SMYD3: variants seen among roughly 807,000 people sequenced by gnomAD.
SMYD3 encodes the protein SET and MYND domain containing 3.
A neutral mutation model predicts 57.7 loss-of-function variants in SMYD3; 36 were observed. That is an observed-to-expected ratio of 0.62 (90% CI 0.48 to 0.82). SMYD3 has a LOEUF of 0.82. SMYD3 is among the 40% of genes least tolerant of loss of function. The pLI is 0.00. For synonymous variants in SMYD3, 211 were observed against 195.0 expected (o/e 1.08, Z -0.68); for missense variants, 515 against 538.8 (o/e 0.96, Z 0.44).
intron 5 of SMYD3, among the ~76,000 whole-genome samples, chr1:246,173,186 C>CA: frequency 6.6e-6 from 1 of 150,820 alleles, no homozygotes; most frequent in African/African-American, 2.4e-5. Flanking sequence ...GCTTAGGCTA[C>CA]ACAGGCCTAG....
intron 5 of SMYD3, among the ~76,000 whole-genome samples, chr1:246,270,331 T>A (rs4654232): frequency 0.33 from 50,766 of 152,028 alleles, 9,351 homozygotes; most frequent in East Asian, 0.72. Flanking sequence ...CATAAAAAAT[T>A]TACTATCTTA....
intron 5 of SMYD3, among the ~76,000 whole-genome samples, chr1:245,996,966 A>G (rs1478441329): frequency 3.9e-5 from 6 of 152,194 alleles, no homozygotes; most frequent in Non-Finnish European, 5.9e-5. Context: ...GTTCTGATTT[A>G]TGAATTGGCA....
chr1:246,436,167 C>A (rs2067369871), intron 1 of SMYD3, among the ~76,000 whole-genome samples: 1 of 146,368 alleles, frequency 6.8e-6, no homozygotes, highest in Admixed American at 7.0e-5. Context: ...GGGAGAAAAA[C>A]TATGAACCAT....
At chr1:246,443,107 T>C (rs1056347783) in intron 1 of SMYD3, among the ~76,000 whole-genome samples, 2 of 152,270 alleles carry the variant, frequency 1.3e-5, no homozygotes, top group African/African-American at 4.8e-5. Flanking sequence ...TACTCTCTTA[T>C]GTATTTGCAT....
intron 5 of SMYD3, chr1:246,321,816 A>C (rs2065254020): frequency 6.6e-6 from 1 of 152,494 alleles, no homozygotes; most frequent in South Asian, 2.1e-4. Context: ...TGGTGAGATC[A>C]CAGCTCACTG....
intron 5 of SMYD3, among the ~76,000 whole-genome samples, chr1:246,222,598 T>C (rs919251780): frequency 1.3e-5 from 2 of 152,180 alleles, no homozygotes; most frequent in African/African-American, 4.8e-5. Context: ...CATGAATATA[T>C]CCTTCCTTAA....
chr1:246,002,931 G>A (rs1023804985), intron 5 of SMYD3, among the ~76,000 whole-genome samples: 1 of 152,154 alleles, frequency 6.6e-6, no homozygotes, highest in Non-Finnish European at 1.5e-5. Flanking sequence ...TCTTACAGTA[G>A]TTCCCAACCC....
chr1:245,817,532 A>G (rs2048922129), intron 10 of SMYD3, among the ~76,000 whole-genome samples: 3 of 152,150 alleles, frequency 2.0e-5, no homozygotes, highest in African/African-American at 7.2e-5. Flanking sequence ...CAGCAACGGA[A>G]CAAAGCTGGA....
chr1:246,114,750 T>G (rs1430910830), intron 5 of SMYD3, among the ~76,000 whole-genome samples: 1 of 152,172 alleles, frequency 6.6e-6, no homozygotes, highest in Non-Finnish European at 1.5e-5. Context: ...TGTGCCTCCG[T>G]TTCCCGAGGA....
chr1:246,036,807 G>A (rs891225604), intron 5 of SMYD3, among the ~76,000 whole-genome samples: 13 of 149,384 alleles, frequency 8.7e-5, no homozygotes, highest in South Asian at 2.1e-4. Context: ...CTCGTGATCC[G>A]CCCGCCTCGG....
intron 5 of SMYD3, among the ~76,000 whole-genome samples, chr1:245,965,966 TA>T (rs1303419936): frequency 6.6e-6 from 1 of 152,018 alleles, no homozygotes; most frequent in African/African-American, 2.4e-5. Flanking sequence ...TGATGGGAGA[TA>T]GGGGTGGGGC....
intron 10 of SMYD3, among the ~76,000 whole-genome samples, chr1:245,782,032 A>AT (rs2148141981): frequency 6.6e-6 from 1 of 152,292 alleles, no homozygotes; most frequent in South Asian, 2.1e-4. Context: ...ATACCTACGC[A>AT]TTCAGAGCTT....
intron 5 of SMYD3, among the ~76,000 whole-genome samples, chr1:246,172,487 G>C (rs1408513310): frequency 1.8e-5 from 2 of 113,146 alleles, no homozygotes; most frequent in Non-Finnish European, 3.6e-5. Flanking sequence ...CACACTGTAT[G>C]CTTAGGCTAC....
Position 245,749,651 on chromosome 1 carries a change from A to G in SMYD3, c.1199T>C (p.Met400Thr). 2 of 1,613,962 alleles carry G rather than the reference A, an allele frequency of 1.2e-6. No individual in the cohort carries two copies. The highest frequency in any genetic ancestry group is 1.1e-5 in the South Asian group (1 of 91,080). The change falls in exon 12 of 12, where the codon ATG becomes ACG. Residue 400 changes from methionine to threonine, a missense_variant. Coordinates refer to ENST00000490107, the MANE Select transcript of SMYD3 (RefSeq NM_001167740.2). Reference sequence around the variant, plus strand: ...GTGTTCTCTGCCATGTGTCACTCTCATAATATCAAAAGCCTAAAGAGAAAG... The same window carrying G: ...GTGTTCTCTGCCATGTGTCACTCTCGTAATATCAAAAGCCTAAAGAGAAAG... ...MKNLRLAFDIMRVTHGREHSL... is the reference protein window; with the variant it reads ...MKNLRLAFDITRVTHGREHSL...
intron 1 of SMYD3, among the ~76,000 whole-genome samples, chr1:246,382,660 T>A (rs551864899): frequency 6.6e-6 from 1 of 151,644 alleles, no homozygotes; most frequent in Non-Finnish European, 1.5e-5. Context: ...TAGTGCCAGG[T>A]TGCCCCACAG....
intron 8 of SMYD3, among the ~76,000 whole-genome samples, chr1:245,894,497 G>C (rs896579442): frequency 6.6e-6 from 1 of 151,988 alleles, no homozygotes; most frequent in African/African-American, 2.4e-5. Context: ...CTTTGGGTCC[G>C]TGCCATCTTT....
rs1375596344 is a variant in SMYD3, at chr1:246,395,703, T to C, written c.165-40609A>G. On this transcript the variant is annotated intron_variant, in intron 1 of 11. Transcript: ENST00000490107. ...ACAGGGAAGACGAACCCACCATGGC[T>C]GGACAGGGAAGACGAACACACCAGT... 2.9e-3 allele frequency among the ~76,000 whole-genome samples: 103 copies of C among 35,174 alleles called. 16 individuals carry two copies. In the South Asian group the frequency reaches 0.043, roughly 15 times the overall value. 23.1% of individuals were successfully genotyped at this position (35,174 alleles called of 152,430 possible). A position where few individuals can be genotyped will look rare whatever the true frequency, so the allele number is the denominator to read the frequency against.
At chr1:246,172,154 C>T (rs911917739) in intron 5 of SMYD3, among the ~76,000 whole-genome samples, 25 of 152,200 alleles carry the variant, frequency 1.6e-4, no homozygotes, top group African/African-American at 5.8e-4. Context: ...ACTCACTGTA[C>T]TCTACTGTAG....
At chr1:246,386,823 T>C (rs1335439907) in intron 1 of SMYD3, among the ~76,000 whole-genome samples, 1 of 152,104 alleles carries the variant, frequency 6.6e-6, no homozygotes, top group African/African-American at 2.4e-5. Context: ...CCGTGTATGA[T>C]GTGAATCCTG....
Sources: allele counts gnomAD v4.1 joint callset (sites outside exome capture counted in the v4.1 genomes callset), GRCh38; gene constraint gnomAD v4.1.1; transcripts MANE v1.5; gene names NCBI Gene and HGNC (gene_info 2026-07-23, HGNC 2026-07-21).